NDFIP2: variants seen among roughly 807,000 people sequenced by gnomAD.
NDFIP2 encodes Nedd4 family interacting protein 2.
NDFIP2 carries 19 observed loss-of-function variants against 36.0 expected under a neutral mutation model. That is an observed-to-expected ratio of 0.53 (90% CI 0.37 to 0.77). NDFIP2 has a LOEUF of 0.77. Among genes scored for constraint, NDFIP2 ranks in the 30% least tolerant of loss-of-function variants. The pLI is 0.00. For synonymous variants in NDFIP2, 181 were observed against 167.7 expected (o/e 1.08, Z -0.61); for missense variants, 446 against 435.8 (o/e 1.02, Z -0.21).
intron 1 of NDFIP2, among the ~76,000 whole-genome samples, chr13:79,491,025 A>G (rs1873205125): frequency 6.6e-6 from 1 of 152,218 alleles, no homozygotes; most frequent in Non-Finnish European, 1.5e-5. Context: ...TCCCATTCAC[A>G]GTACTCCTTA....
rs1195099596 is a variant in NDFIP2, at chr13:79,481,259, G to C, written c.56G>C (p.Ser19Thr). ...GCGAGCGGTCCGAGCATGCTCAATA[G>C]CGCGCGCGGCGCCCCGGAGCTTCTC... The part of the protein sequence containing the change: ...VCASGPSMLN[S>T]ARGAPELLRG... The change falls in exon 1 of 8, where the codon AGC becomes ACC. Residue 19 changes from serine (S) to threonine (T), a missense_variant. Transcript: ENST00000218652. 1 of 1,535,870 alleles carries C rather than the reference G, an allele frequency of 6.5e-7. No homozygotes were observed. Among genetic ancestry groups the C allele is most frequent in the Non-Finnish European group, 8.7e-7 (1 of 1,146,010 alleles).
At chr13:79,544,488 C>T (rs1427231892) in intron 5 of NDFIP2, among the ~76,000 whole-genome samples, 1 of 147,712 alleles carries the variant, frequency 6.8e-6, no homozygotes, top group Non-Finnish European at 1.5e-5. Flanking sequence ...AATGTTTCTT[C>T]CTAGTTTTTT....
At chr13:79,495,943 A>G (rs7317825) in intron 1 of NDFIP2, among the ~76,000 whole-genome samples, 2 of 151,842 alleles carry the variant, frequency 1.3e-5, no homozygotes, top group East Asian at 3.9e-4. Flanking sequence ...AAAAATGTAG[A>G]ACTTCCTAAC....
At chr13:79,501,975 C>A (rs1873685156) in intron 1 of NDFIP2, among the ~76,000 whole-genome samples, 1 of 152,040 alleles carries the variant, frequency 6.6e-6, no homozygotes, top group African/African-American at 2.4e-5. Flanking sequence ...CTCAGAATTT[C>A]TAGTTGTTAG....
intron 1 of NDFIP2, among the ~76,000 whole-genome samples, chr13:79,495,824 C>T (rs1873414828): frequency 6.6e-6 from 1 of 151,712 alleles, no homozygotes; most frequent in African/African-American, 2.4e-5. Flanking sequence ...GTTTTAGTGT[C>T]CCTTTCAATA....
chr13:79,541,452 T>G (rs1371214754), intron 4 of NDFIP2, among the ~76,000 whole-genome samples: 1 of 151,388 alleles, frequency 6.6e-6, no homozygotes, highest in Non-Finnish European at 1.5e-5. Context: ...TTTACTAAAT[T>G]TTTACTAAAT....
chr13:79,518,602 A>G (rs1874441374), intron 1 of NDFIP2, among the ~76,000 whole-genome samples: 1 of 152,232 alleles, frequency 6.6e-6, no homozygotes, highest in Non-Finnish European at 1.5e-5. Flanking sequence ...AAACTAAATA[A>G]AAGGGAAGAA....
chr13:79,535,786 C>CA (rs111691603), intron 3 of NDFIP2, among the ~76,000 whole-genome samples: 16,961 of 151,720 alleles, frequency 0.11, 2,414 homozygotes, highest in African/African-American at 0.33. Flanking sequence ...CGTTCTTGCA[C>CA]AAAAAAAATA....
At chr13:79,536,333 A>C (rs891680343) in intron 3 of NDFIP2, among the ~76,000 whole-genome samples, 1 of 152,168 alleles carries the variant, frequency 6.6e-6, no homozygotes, top group African/African-American at 2.4e-5. Flanking sequence ...CAGGACAGAG[A>C]TCTTGCATTT....
intron 1 of NDFIP2, among the ~76,000 whole-genome samples, chr13:79,501,825 G>T (rs1873679332): frequency 6.6e-6 from 1 of 152,064 alleles, no homozygotes; most frequent in South Asian, 2.1e-4. Flanking sequence ...TTTGTTGAGG[G>T]AAGAATGAAA....
intron 1 of NDFIP2, among the ~76,000 whole-genome samples, chr13:79,503,868 C>T (rs1873759560): frequency 1.3e-5 from 2 of 152,086 alleles, no homozygotes; most frequent in Non-Finnish European, 2.9e-5. Context: ...GCTGTATGGA[C>T]AGTGTGAATT....
At chr13:79,498,020 G>T (rs1317237627) in intron 1 of NDFIP2, among the ~76,000 whole-genome samples, 1 of 151,582 alleles carries the variant, frequency 6.6e-6, no homozygotes, top group East Asian at 1.9e-4. Context: ...TGGATTCAAA[G>T]ATGTGTGTGT....
chr13:79,523,898 AC>A (rs1314391750), intron 2 of NDFIP2, among the ~76,000 whole-genome samples: 1 of 152,038 alleles, frequency 6.6e-6, no homozygotes. Context: ...TTTTGCTGAA[AC>A]CTTTTGGAAG....
chr13:79,544,324 A>G (rs1241431759), intron 5 of NDFIP2, among the ~76,000 whole-genome samples: 1 of 152,054 alleles, frequency 6.6e-6, no homozygotes, highest in African/African-American at 2.4e-5. Flanking sequence ...CTGCCTTCTT[A>G]TAATTTACAA....
chr13:79,504,072 T>C (rs140180944), intron 1 of NDFIP2, among the ~76,000 whole-genome samples: 18 of 152,284 alleles, frequency 1.2e-4, no homozygotes, highest in African/African-American at 4.3e-4. Context: ...GCTGAAGGTA[T>C]AGAGGAGTTA....
chr13:79,549,820 T>A (rs1041280247), intron 6 of NDFIP2, among the ~76,000 whole-genome samples: 1 of 151,904 alleles, frequency 6.6e-6, no homozygotes, highest in African/African-American at 2.4e-5. Flanking sequence ...TGGAAGGGCA[T>A]GAGGGTGGAA....
chr13:79,515,947 C>G (rs1158065306), intron 1 of NDFIP2, among the ~76,000 whole-genome samples: 10 of 119,794 alleles, frequency 8.3e-5, no homozygotes, highest in Middle Eastern at 4.5e-3. Context: ...GGGTGGGGGG[C>G]AGGGGTCATA....
intron 1 of NDFIP2, 90 bp downstream of exon 1, chr13:79,481,614 G>A: frequency 2.8e-6 from 4 of 1,420,064 alleles, no homozygotes; most frequent in Non-Finnish European, 2.8e-6. Flanking sequence ...CGGAGGAAAA[G>A]CTGTGGCTTT....
rs1237875695 is a variant in NDFIP2, at chr13:79,533,409, G to C, written c.574G>C (p.Ala192Pro). 6.8e-6 allele frequency: 11 copies of C among 1,611,366 alleles called. No individual in the cohort carries two copies. Among genetic ancestry groups the C allele is most frequent in the Non-Finnish European group, 9.3e-6 (11 of 1,178,538 alleles). Residue 192 changes from alanine (A) to proline (P), a missense_variant, in exon 3 of 8, where the codon GCT (alanine) becomes CCT (proline). By Grantham distance (27) the Ala-to-Pro change is conservative. This residue lies in a region of NDFIP2 where 369 missense variants were observed against 304.8 expected (regional missense o/e 1.21). Transcript: ENST00000218652. ...SLPTYDEAEK[A>P]KAAAMAAAAA... The stretch of plus-strand genomic sequence containing the variant: ...TCCTACATACGATGAAGCTGAGAAG[G>C]CTAAAGCTGCTGCAATGGCAGCTGC...
Sources: gnomAD v4.1 joint callset for allele counts (sites outside exome capture counted in the v4.1 genomes callset) on GRCh38, gnomAD v4.1.1 for gene constraint, gnomAD v4.1.1 regional missense constraint, MANE v1.5 for transcripts, NCBI Gene and HGNC (gene_info 2026-07-23, HGNC 2026-07-21) for gene names.